Variants in ST6GALNAC3 observed in about 807,000 individuals in gnomAD.
ST6GALNAC3 encodes alpha-N-acetylgalactosaminide alpha-2,6-sialyltransferase 3.
A neutral mutation model predicts 32.7 loss-of-function variants in ST6GALNAC3; 25 were observed. That is an observed-to-expected ratio of 0.76 (90% CI 0.56 to 1.07). The LOEUF is 1.07. Among genes scored for constraint, ST6GALNAC3 ranks in the 50% least tolerant of loss-of-function variants. ST6GALNAC3 has a pLI of 0.00. For missense variants in ST6GALNAC3, 355 were observed against 382.4 expected (o/e 0.93, Z 0.60); for synonymous variants, 129 against 133.1 (o/e 0.97, Z 0.21).
In ST6GALNAC3 at chr1:76,292,524, G is replaced by C. The variant is rs149576346; in HGVS notation, c.19-21281G>C. Among the ~76,000 whole-genome samples the C allele has an allele frequency of 2.0e-5, 3 of 152,300 alleles. No homozygotes were observed. In the East Asian group the frequency reaches 5.8e-4, roughly 29 times the overall value. On this transcript the variant is annotated intron_variant, in intron 1 of 4. Coordinates refer to ENST00000328299, the MANE Select transcript of ST6GALNAC3 (RefSeq NM_152996.4). ...TGAATTTCTGACACTTGGTGTATAAGTACCAGTAAGTAAGATTGGCTTACT... is the reference window on the plus strand; with the variant it reads ...TGAATTTCTGACACTTGGTGTATAACTACCAGTAAGTAAGATTGGCTTACT...
At chr1:76,133,548 G>T (rs540586929) in intron 1 of ST6GALNAC3, among the ~76,000 whole-genome samples, 1 of 152,332 alleles carries the variant, frequency 6.6e-6, no homozygotes, top group Non-Finnish European at 1.5e-5. Context: ...AATCTCATTT[G>T]TCCACCTATA....
chr1:76,473,779 T>C (rs1659180226), intron 3 of ST6GALNAC3, among the ~76,000 whole-genome samples: 1 of 152,152 alleles, frequency 6.6e-6, no homozygotes, highest in Non-Finnish European at 1.5e-5. Context: ...TCATCACTCT[T>C]CCCATCAAGA....
At chr1:76,381,180 AAAAAAAGAAAAAAAAAAAG>A (rs1191762799) in intron 2 of ST6GALNAC3, among the ~76,000 whole-genome samples, 7 of 132,822 alleles carry the variant, frequency 5.3e-5, no homozygotes, top group African/African-American at 1.8e-4. Context: ...AAAAAAAAAA[AAAAAAAGAAAAAAAAAAAG>A]ACCACTTCTT....
chr1:76,247,017 G>A (rs146984453), intron 1 of ST6GALNAC3, among the ~76,000 whole-genome samples: 2,973 of 152,210 alleles, frequency 0.02, 34 homozygotes, highest in Non-Finnish European at 0.03. Flanking sequence ...TGATGTTGTT[G>A]TTGCTTTCTG....
At chr1:76,098,419 A>G (rs1211109844) in intron 1 of ST6GALNAC3, among the ~76,000 whole-genome samples, 1 of 152,156 alleles carries the variant, frequency 6.6e-6, no homozygotes, top group Non-Finnish European at 1.5e-5. Context: ...AGTATCACAG[A>G]AGTTCCTTTT....
chr1:76,337,408 T>C (rs751183), intron 2 of ST6GALNAC3, among the ~76,000 whole-genome samples: 104,774 of 152,066 alleles, frequency 0.69, 37,577 homozygotes, highest in South Asian at 0.78. Context: ...ACCCTTTCCA[T>C]TGGGCTTGGA....
intron 1 of ST6GALNAC3, among the ~76,000 whole-genome samples, chr1:76,166,657 G>A (rs980129367): frequency 1.4e-4 from 21 of 152,088 alleles, no homozygotes; most frequent in Non-Finnish European, 4.4e-5. Context: ...CCATTTATTT[G>A]TGTTATCTCT....
intron 1 of ST6GALNAC3, among the ~76,000 whole-genome samples, chr1:76,255,974 A>T (rs505999): frequency 6.6e-6 from 1 of 151,642 alleles, no homozygotes; most frequent in Non-Finnish European, 1.5e-5. Context: ...ATACAAGGCA[A>T]CCACATAATT....
chr1:76,562,787 T>A (rs1162998598), intron 3 of ST6GALNAC3, among the ~76,000 whole-genome samples: 1 of 152,226 alleles, frequency 6.6e-6, no homozygotes, highest in East Asian at 1.9e-4. Context: ...ATAGACTGTA[T>A]CAATATTTGT....
At chr1:76,387,774 T>C (rs1381002784) in intron 2 of ST6GALNAC3, among the ~76,000 whole-genome samples, 1 of 152,204 alleles carries the variant, frequency 6.6e-6, no homozygotes, top group African/African-American at 2.4e-5. Context: ...ATTGGTTTTT[T>C]GATCTGAGAT....
chr1:76,338,928 A>G (rs1647729671), intron 2 of ST6GALNAC3, among the ~76,000 whole-genome samples: 1 of 152,248 alleles, frequency 6.6e-6, no homozygotes, highest in Admixed American at 6.5e-5. Context: ...ATGAGTGTAT[A>G]GTAGGAGAGT....
chr1:76,219,923 C>T (rs551877), intron 1 of ST6GALNAC3, among the ~76,000 whole-genome samples: 140,183 of 152,088 alleles, frequency 0.92, 65,269 homozygotes, highest in East Asian at 1. Context: ...TGCTGCAGCA[C>T]CCAACCCTGA....
chr1:76,305,182 G>C (rs1660972226), intron 1 of ST6GALNAC3, among the ~76,000 whole-genome samples: 1 of 152,004 alleles, frequency 6.6e-6, no homozygotes, highest in Non-Finnish European at 1.5e-5. Context: ...GTCCTGATGG[G>C]TCAGGTCCAT....
At chr1:76,315,633 G>A (rs112501755) in intron 2 of ST6GALNAC3, among the ~76,000 whole-genome samples, 4 of 152,250 alleles carry the variant, frequency 2.6e-5, no homozygotes, top group African/African-American at 7.2e-5. Context: ...TTACTGGAAA[G>A]AATCTGGGCT....
chr1:76,289,179 A>G (rs55813741), intron 1 of ST6GALNAC3, among the ~76,000 whole-genome samples: 73,300 of 151,990 alleles, frequency 0.48, 17,903 homozygotes, highest in African/African-American at 0.55. Flanking sequence ...TACAAACACC[A>G]CTGAAAGGTG....
chr1:76,233,008 G>T (rs1399177505), intron 1 of ST6GALNAC3, among the ~76,000 whole-genome samples: 1 of 152,160 alleles, frequency 6.6e-6, no homozygotes, highest in Non-Finnish European at 1.5e-5. Context: ...AGGTACATGA[G>T]AAATGCCTGC....
At chr1:76,315,926 A>T (rs1646856158) in intron 2 of ST6GALNAC3, among the ~76,000 whole-genome samples, 1 of 152,146 alleles carries the variant, frequency 6.6e-6, no homozygotes, top group Non-Finnish European at 1.5e-5. Flanking sequence ...TCAAATTATC[A>T]CAGTCCAGAG....
At chr1:76,344,168 G>C (rs189844545) in intron 2 of ST6GALNAC3, among the ~76,000 whole-genome samples, 50 of 152,338 alleles carry the variant, frequency 3.3e-4, no homozygotes, top group Non-Finnish European at 6.0e-4. Flanking sequence ...TGAGTACCCA[G>C]GAATGGCCTT....
chr1:76,327,250 C>T (rs1330634135), intron 2 of ST6GALNAC3, among the ~76,000 whole-genome samples: 1 of 148,942 alleles, frequency 6.7e-6, no homozygotes, highest in Non-Finnish European at 1.5e-5. Flanking sequence ...AGAAAAAGGA[C>T]CAACAGGATG....
Sources: gnomAD v4.1 joint callset for allele counts (sites outside exome capture counted in the v4.1 genomes callset) on GRCh38, gnomAD v4.1.1 for gene constraint, MANE v1.5 for transcripts, NCBI Gene and HGNC (gene_info 2026-07-23, HGNC 2026-07-21) for gene names.